The following PLPPR1 variants were observed in gnomAD, a reference collection of about 807,000 sequenced individuals.
The protein encoded by PLPPR1 is phospholipid phosphatase-related protein type 1.
A neutral mutation model predicts 33.1 loss-of-function variants in PLPPR1; 10 were observed. The observed-to-expected ratio is 0.30, with a 90% CI of 0.19 to 0.51. The LOEUF is 0.51. Among genes scored for constraint, PLPPR1 ranks in the 20% least tolerant of loss-of-function variants. The pLI, the probability that PLPPR1 is intolerant of heterozygous loss-of-function variation, is 0.97. For synonymous variants in PLPPR1, 151 were observed against 151.0 expected (o/e 1.00, Z 0.00); for missense variants, 304 against 408.1 (o/e 0.74, Z 2.20).
At chr9:101,320,073 A>G (rs1331722802) in intron 7 of PLPPR1, among the ~76,000 whole-genome samples, 1 of 152,246 alleles carries the variant, frequency 6.6e-6, no homozygotes, top group Non-Finnish European at 1.5e-5. Context: ...AAATTGAAAA[A>G]TGAAGTGCTA....
intron 2 of PLPPR1, among the ~76,000 whole-genome samples, chr9:101,229,270 T>C (rs1374868978): frequency 6.6e-6 from 1 of 152,130 alleles, no homozygotes; most frequent in Non-Finnish European, 1.5e-5. Context: ...GTTTATCATT[T>C]TGCATCTTAT....
At chr9:101,201,660 A>C (rs911366009) in intron 2 of PLPPR1, among the ~76,000 whole-genome samples, 4 of 152,228 alleles carry the variant, frequency 2.6e-5, no homozygotes, top group African/African-American at 9.6e-5. Flanking sequence ...CTACATTCTC[A>C]GTAATCATTA....
chr9:101,121,235 A>T (rs904478739), intron 1 of PLPPR1, among the ~76,000 whole-genome samples: 5 of 152,206 alleles, frequency 3.3e-5, no homozygotes, highest in African/African-American at 4.8e-5. Context: ...CAGATGAGGA[A>T]TATATTAGCA....
At chr9:101,266,319 C>T (rs184934376) in intron 2 of PLPPR1, among the ~76,000 whole-genome samples, 68 of 148,624 alleles carry the variant, frequency 4.6e-4, no homozygotes, top group Admixed American at 3.3e-3. Context: ...TCCCAGCTAC[C>T]GGGAAAGCGG....
At chr9:101,228,974 T>G (rs1051165581) in intron 2 of PLPPR1, among the ~76,000 whole-genome samples, 12 of 141,712 alleles carry the variant, frequency 8.5e-5, no homozygotes, top group African/African-American at 3.0e-4. Flanking sequence ...GCCTAGGAGT[T>G]AATATAAAGT....
chr9:101,091,793 G>T (rs1200496807), intron 1 of PLPPR1, among the ~76,000 whole-genome samples: 1 of 152,086 alleles, frequency 6.6e-6, no homozygotes, highest in Non-Finnish European at 1.5e-5. Flanking sequence ...TCCATCTAAA[G>T]GCTTTTATCT....
At chr9:101,246,374 T>G (rs1023495525) in intron 2 of PLPPR1, among the ~76,000 whole-genome samples, 3 of 151,972 alleles carry the variant, frequency 2.0e-5, no homozygotes, top group African/African-American at 7.2e-5. Context: ...CTTAAACCAC[T>G]TGGCTGACTT....
At chr9:101,131,114 A>G (rs1396772812) in intron 1 of PLPPR1, among the ~76,000 whole-genome samples, 1 of 152,204 alleles carries the variant, frequency 6.6e-6, no homozygotes, top group Non-Finnish European at 1.5e-5. Context: ...GGCCAATTGC[A>G]TAGTTAATAA....
At chr9:101,101,430 C>T (rs1830897423) in intron 1 of PLPPR1, among the ~76,000 whole-genome samples, 1 of 151,662 alleles carries the variant, frequency 6.6e-6, no homozygotes. Flanking sequence ...CTGTATGTCA[C>T]CTTTTGGTCC....
intron 2 of PLPPR1, among the ~76,000 whole-genome samples, chr9:101,238,351 GTA>G (rs1178770788): frequency 7.4e-6 from 1 of 135,310 alleles, no homozygotes; most frequent in Non-Finnish European, 1.6e-5. Flanking sequence ...ATATAGAGGT[GTA>G]TATATATATA....
intron 1 of PLPPR1, among the ~76,000 whole-genome samples, chr9:101,080,186 T>G (rs1183545922): frequency 6.6e-6 from 1 of 152,210 alleles, no homozygotes; most frequent in African/African-American, 2.4e-5. Flanking sequence ...CTGCATACTA[T>G]GGAGAGATTT....
chr9:101,181,710 C>T (rs558837549), intron 1 of PLPPR1, among the ~76,000 whole-genome samples: 1 of 53,534 alleles, frequency 1.9e-5, no homozygotes, highest in East Asian at 2.5e-4. Context: ...ATACACACAC[C>T]AAATTACTAT....
chr9:101,280,110 G>A (rs1011836376), intron 3 of PLPPR1, among the ~76,000 whole-genome samples: 15 of 152,004 alleles, frequency 9.9e-5, no homozygotes, highest in Non-Finnish European at 1.9e-4. Context: ...AAGAGACATT[G>A]CAACTGATAC....
chr9:101,204,035 T>C (rs1826544490), intron 2 of PLPPR1, among the ~76,000 whole-genome samples: 1 of 152,192 alleles, frequency 6.6e-6, no homozygotes, highest in African/African-American at 2.4e-5. Context: ...TTGCTTCCCC[T>C]GTAACGCAAG....
chr9:101,029,859 G>GGCT (rs1829921410), intron 1 of PLPPR1, among the ~76,000 whole-genome samples: 1 of 152,224 alleles, frequency 6.6e-6, no homozygotes, highest in African/African-American at 2.4e-5. Context: ...GCTGAACAGG[G>GGCT]GCTGCTGCTG....
At chr9:101,066,411 A>G (rs952830655) in intron 1 of PLPPR1, among the ~76,000 whole-genome samples, 2 of 151,600 alleles carry the variant, frequency 1.3e-5, no homozygotes, top group Non-Finnish European at 2.9e-5. Flanking sequence ...GGAATTCACC[A>G]TGCACATCCC....
intron 3 of PLPPR1, among the ~76,000 whole-genome samples, chr9:101,274,187 A>G (rs1052571468): frequency 2.0e-5 from 3 of 152,212 alleles, no homozygotes; most frequent in Admixed American, 6.5e-5. Context: ...GATAATACTG[A>G]CAAACCCCCC....
Position 101,224,872 on chromosome 9 carries a change from G to A in PLPPR1, c.63+39315G>A, listed in dbSNP as rs114509900. ...TGGGATGGCGTCCTGTCCAGGGCTG[G>A]TTCCTCCAGTTGCTGGGATGAATAA... is the stretch of plus-strand genomic sequence containing the variant. On this transcript the variant is annotated intron_variant, in intron 2 of 7. Transcript: ENST00000374874. 2.4e-3 allele frequency among the ~76,000 whole-genome samples: 364 copies of A among 152,202 alleles called. 2 individuals carry two copies. Among genetic ancestry groups the A allele is most frequent in the African/African-American group, 8.2e-3 (342 of 41,542 alleles).
chr9:101,045,643 G>A (rs892845309), intron 1 of PLPPR1, among the ~76,000 whole-genome samples: 1 of 152,308 alleles, frequency 6.6e-6, no homozygotes, highest in East Asian at 1.9e-4. Context: ...CATGAGTGAT[G>A]ACAACACCTG....
Sources: gnomAD v4.1 joint callset for allele counts (sites outside exome capture counted in the v4.1 genomes callset) on GRCh38, gnomAD v4.1.1 for gene constraint, MANE v1.5 for transcripts, NCBI Gene and HGNC (gene_info 2026-07-23, HGNC 2026-07-21) for gene names.